The following ZNF487 variants were observed in gnomAD, a reference collection of about 807,000 sequenced individuals.
ZNF487 encodes KRAB domain only 1.
A neutral mutation model predicts 3.0 loss-of-function variants in ZNF487; 4 were observed. That is an observed-to-expected ratio of 1.35 (90% CI 0.66 to 3.08). The LOEUF (loss-of-function observed/expected upper bound fraction) is 3.08, where lower values mean the gene tolerates loss of function less well. ZNF487 is among the 30% of genes most tolerant of loss of function. The probability of loss-of-function intolerance (pLI) is 0.01; values close to 1 mark genes in which losing one functional copy is unlikely to be tolerated. For synonymous variants in ZNF487, 55 were observed against 34.6 expected (o/e 1.59, Z -2.06); for missense variants, 146 against 98.7 (o/e 1.48, Z -2.03).
At chr10:43,455,624 G>A (rs914955517) in intron 1 of ZNF487, among the ~76,000 whole-genome samples, 1 of 152,232 alleles carries the variant, frequency 6.6e-6, no homozygotes, top group African/African-American at 2.4e-5. Flanking sequence ...CTCTAGGTCC[G>A]TGGCGCGGCG....
the ZNF487 span, among the ~76,000 whole-genome samples, chr10:43,497,176 G>GT: frequency 6.6e-6 from 1 of 152,090 alleles, no homozygotes; most frequent in African/African-American, 2.4e-5. Context: ...CAAGTATGAA[G>GT]TTTTTTATTA....
At chr10:43,500,648 C>T in the ZNF487 span, among the ~76,000 whole-genome samples, 2 of 151,516 alleles carry the variant, frequency 1.3e-5, no homozygotes, top group Admixed American at 1.3e-4. Context: ...ACCACAGGCG[C>T]ACACCACCAT....
chr10:43,474,085 C>T (rs1031810342), intron 1 of ZNF487, among the ~76,000 whole-genome samples: 6 of 150,904 alleles, frequency 4.0e-5, no homozygotes, highest in Non-Finnish European at 8.8e-5. Flanking sequence ...TGCTTGAGCC[C>T]AGGAGGTCAA....
chr10:43,463,859 C>A (rs541313459), intron 1 of ZNF487, among the ~76,000 whole-genome samples: 1 of 151,626 alleles, frequency 6.6e-6, no homozygotes, highest in East Asian at 1.9e-4. Flanking sequence ...TTGTTTTGAC[C>A]GTATATAAGA....
chr10:43,466,464 GTGA>G (rs1840710747), intron 1 of ZNF487, among the ~76,000 whole-genome samples: 1 of 147,658 alleles, frequency 6.8e-6, no homozygotes, highest in Non-Finnish European at 1.5e-5. Flanking sequence ...GTACAGTGGT[GTGA>G]TCTCAGCTCA....
chr10:43,511,248 A>G, the ZNF487 span, among the ~76,000 whole-genome samples: 1 of 152,194 alleles, frequency 6.6e-6, no homozygotes, highest in Non-Finnish European at 1.5e-5. Flanking sequence ...CTGTTCTGTC[A>G]ATCCAGCTGC....
intron 3 of ZNF487, 140 bp downstream of exon 3, chr10:43,476,342 G>A: frequency 1.7e-6 from 1 of 593,324 alleles, no homozygotes; most frequent in Non-Finnish European, 3.0e-6. Context: ...ACTAAGAAGA[G>A]TTGGCCTGCT....
chr10:43,472,663 C>T (rs922306889), intron 1 of ZNF487, among the ~76,000 whole-genome samples: 2 of 152,158 alleles, frequency 1.3e-5, no homozygotes, highest in African/African-American at 4.8e-5. Flanking sequence ...TGATCCATTA[C>T]ATCTGTGACT....
intron 1 of ZNF487, among the ~76,000 whole-genome samples, chr10:43,447,423 G>C (rs1265271423): frequency 6.6e-6 from 1 of 152,016 alleles, no homozygotes; most frequent in Non-Finnish European, 1.5e-5. Context: ...TGTATTTTTA[G>C]TAAAGACGGG....
intron 1 of ZNF487, among the ~76,000 whole-genome samples, chr10:43,466,028 A>C (rs969642373): frequency 2.0e-5 from 3 of 152,206 alleles, no homozygotes; most frequent in Admixed American, 2.0e-4. Context: ...TCCACCAAAA[A>C]AATACGAAAA....
intron 1 of ZNF487, among the ~76,000 whole-genome samples, chr10:43,463,768 A>G (rs1341438774): frequency 6.8e-6 from 1 of 147,716 alleles, no homozygotes. Flanking sequence ...ACATTTTGGT[A>G]ATTCTTGCCC....
intron 1 of ZNF487, among the ~76,000 whole-genome samples, chr10:43,456,063 T>A (rs1840188591): frequency 6.6e-6 from 1 of 152,194 alleles, no homozygotes; most frequent in African/African-American, 2.4e-5. Context: ...CCTGGGGCAC[T>A]TGTAGTCAGG....
the ZNF487 span, among the ~76,000 whole-genome samples, chr10:43,514,111 T>C: frequency 1.3e-5 from 2 of 151,954 alleles, no homozygotes; most frequent in Non-Finnish European, 2.9e-5. Flanking sequence ...GATTGAGGGG[T>C]TGTGATTCTC....
chr10:43,440,142 C>T (rs538801752), intron 1 of ZNF487, among the ~76,000 whole-genome samples: 2 of 151,458 alleles, frequency 1.3e-5, no homozygotes, highest in East Asian at 2.0e-4. Context: ...TCTGCCTGCC[C>T]GGCTCAAGCA....
intron 1 of ZNF487, among the ~76,000 whole-genome samples, chr10:43,466,452 G>C (rs1360085822): frequency 2.0e-5 from 3 of 150,210 alleles, no homozygotes; most frequent in Non-Finnish European, 4.4e-5. Flanking sequence ...ACCCAGGCTG[G>C]AGTACAGTGG....
At chr10:43,510,441 C>A in the ZNF487 span, among the ~76,000 whole-genome samples, 1 of 152,208 alleles carries the variant, frequency 6.6e-6, no homozygotes, top group Admixed American at 6.5e-5. Context: ...CCTAATGGAT[C>A]TCCTGTATTC....
At chr10:43,505,567 G>GCCAC in the ZNF487 span, among the ~76,000 whole-genome samples, 3 of 152,188 alleles carry the variant, frequency 2.0e-5, no homozygotes, top group African/African-American at 7.2e-5. Flanking sequence ...ACAGGTGTGA[G>GCCAC]CCACCACGCC....
At chr10:43,449,572 A>T (rs186503001) in intron 1 of ZNF487, among the ~76,000 whole-genome samples, 2 of 151,934 alleles carry the variant, frequency 1.3e-5, no homozygotes, top group East Asian at 1.9e-4. Context: ...TTCAGTATTT[A>T]AAAAAAAATT....
rs373572759 is a variant in ZNF487 at position 43,456,104 on chromosome 10, C to T, written c.-94+18842C>T. Among the ~76,000 whole-genome samples the T allele has an allele frequency of 3.9e-5, 6 of 152,318 alleles. No homozygotes were observed. In the East Asian group the frequency reaches 1.2e-3, roughly 29 times the overall value. On this transcript the variant is annotated intron_variant, in intron 1 of 3. Coordinates refer to ENST00000437590, the MANE Select transcript of ZNF487 (RefSeq NM_001355444.3). Reference sequence around the variant, plus strand: ...TGGGCCCGCACTTCATAATGGAGGGCTGCGGGCCTCGTCTGAACCGTCCAG... The same window carrying T: ...TGGGCCCGCACTTCATAATGGAGGGTTGCGGGCCTCGTCTGAACCGTCCAG...
Sources: allele counts gnomAD v4.1 joint callset (sites outside exome capture counted in the v4.1 genomes callset), GRCh38; gene constraint gnomAD v4.1.1; transcripts MANE v1.5; gene names NCBI Gene and HGNC (gene_info 2026-07-23, HGNC 2026-07-21).